CD8B2: variants seen among roughly 807,000 people sequenced by gnomAD.
CD8B2 encodes T-cell surface glycoprotein CD8 beta-2 chain.
CD8B2 carries 11 observed loss-of-function variants against 23.7 expected under a neutral mutation model. That is an observed-to-expected ratio of 0.46 (90% CI 0.29 to 0.77). The LOEUF (loss-of-function observed/expected upper bound fraction) is 0.77, where lower values mean the gene tolerates loss of function less well. CD8B2 is among the 30% of genes least tolerant of loss of function. The pLI is 0.09. For synonymous variants in CD8B2, 90 were observed against 109.3 expected (o/e 0.82, Z 1.10); for missense variants, 197 against 270.5 (o/e 0.73, Z 1.91).
chr2:106,496,457 G>T (rs1245199644), intron 3 of CD8B2, among the ~76,000 whole-genome samples, 195 bp downstream of exon 3: 5 of 151,776 alleles, frequency 3.3e-5, no homozygotes, highest in Non-Finnish European at 7.4e-5. Flanking sequence ...CTCGTAAATT[G>T]TTACTGGACA....
Position 106,507,148 on chromosome 2 carries a change from G to A in CD8B2, c.*208G>A. On this transcript the variant is annotated 3_prime_UTR_variant, in exon 6 of 6. Transcript: ENST00000643224. ...GGTCATCGGGAATACTAGGGAGAAG[G>A]TTTCATTGCCCCCAGGGCACTTCAC... The A allele has an allele frequency of 1.4e-6, 2 of 1,414,404 alleles. No homozygotes were observed. Among genetic ancestry groups the A allele is most frequent in the Non-Finnish European group, 1.9e-6 (2 of 1,080,450 alleles). The allele number at this position is 1,414,404 out of a possible 1,614,324, so 87.6% of individuals were successfully genotyped here.
intron 2 of CD8B2, among the ~76,000 whole-genome samples, chr2:106,495,083 A>T (rs1679272308): frequency 6.6e-6 from 1 of 152,100 alleles, no homozygotes; most frequent in Admixed American, 6.5e-5. Flanking sequence ...AGCCAGGTGG[A>T]GCCACATCTA....
At chr2:106,489,621 T>C (rs1359335753) in intron 1 of CD8B2, among the ~76,000 whole-genome samples, 4 of 152,156 alleles carry the variant, frequency 2.6e-5, no homozygotes, top group African/African-American at 9.7e-5. Context: ...TCAGATTGTG[T>C]TTGTTGGAAG....
rs1679584929 is a variant in CD8B2 at position 106,509,684 on chromosome 2, G to C, written c.*2744G>C. ...TGGAGCAGGCTGGGCTGCCAATGGT[G>C]GGGGCTGCAGTGAGAAGGTCTGCAC... On this transcript the variant is annotated 3_prime_UTR_variant, in exon 6 of 6. Coordinates refer to ENST00000643224, the MANE Select transcript of CD8B2 (RefSeq NM_001349727.2). 6.6e-6 allele frequency: 1 copy of C among 151,768 alleles called. No individual in the cohort carries two copies. The highest frequency in any genetic ancestry group is 2.1e-4 in the South Asian group (1 of 4,812). 9.4% of individuals were successfully genotyped at this position (151,768 alleles called of 1,614,324 possible). A position where few individuals can be genotyped will look rare whatever the true frequency, so the allele number is the denominator to read the frequency against.
At chr2:106,523,507 G>A (rs548360691) in intron 5 of CD8B2, among the ~76,000 whole-genome samples, 6 of 152,206 alleles carry the variant, frequency 3.9e-5, no homozygotes, top group South Asian at 4.2e-4. Flanking sequence ...GGAGGCTGTC[G>A]GTCTGGGGTA....
intron 2 of CD8B2, 131 bp from the exon 3 acceptor site, chr2:106,496,042 C>T: frequency 6.8e-7 from 1 of 1,460,686 alleles, no homozygotes; most frequent in Non-Finnish European, 9.3e-7. Flanking sequence ...CAAATGATCT[C>T]CTGCCTTGGC....
intron 5 of CD8B2, among the ~76,000 whole-genome samples, chr2:106,530,228 C>T (rs988640691): frequency 1.3e-5 from 2 of 152,180 alleles, no homozygotes; most frequent in Non-Finnish European, 2.9e-5. Context: ...ATCTTGAGGG[C>T]GCAAACCTTG....
Position 106,491,185 on chromosome 2 carries a change from G to T in CD8B2, c.355G>T (p.Val119Phe). The T allele has an allele frequency of 1.2e-6, 2 of 1,613,218 alleles. No homozygotes were observed. The highest frequency in any genetic ancestry group is 1.7e-6 in the Non-Finnish European group (2 of 1,179,216). Residue 119 changes from valine (V) to phenylalanine (F), a missense_variant, in exon 2 of 6, where the codon GTC (valine) becomes TTC (phenylalanine). Transcript: ENST00000643224. ...EDSGIYFCMIVGSPELTFGKG... is the reference protein window; with the variant it reads ...EDSGIYFCMIFGSPELTFGKG... ...CAGTGGCATCTACTTCTGCATGATC[G>T]TCGGGAGCCCCGAGCTGACCTTCGG...
chr2:106,501,736 T>G (rs1168640057), intron 3 of CD8B2, among the ~76,000 whole-genome samples: 1 of 152,142 alleles, frequency 6.6e-6, no homozygotes, highest in East Asian at 1.9e-4. Context: ...AAAAATTACA[T>G]AGGCATGGAA....
rs539579059 is a variant in CD8B2 at position 106,487,579 on chromosome 2, C to T, written c.43+110C>T. Reference sequence around the variant, plus strand: ...TCCTGGCAGGGTGCAGCGTCGAGCCCGCGGTGGCGGGGCGCCCGGGAGGCA... The same window carrying T: ...TCCTGGCAGGGTGCAGCGTCGAGCCTGCGGTGGCGGGGCGCCCGGGAGGCA... On this transcript the variant is annotated intron_variant, in intron 1 of 5. Coordinates refer to ENST00000643224, the MANE Select transcript of CD8B2 (RefSeq NM_001349727.2). 49 of 647,182 alleles carry T rather than the reference C, an allele frequency of 7.6e-5. 1 individual carries two copies. Among genetic ancestry groups the T allele is most frequent in the Middle Eastern group, 9.6e-4 (2 of 2,090 alleles). The allele number at this position is 647,182 out of a possible 1,614,324, so 40.1% of individuals were successfully genotyped here. A position where few individuals can be genotyped will look rare whatever the true frequency, so the allele number is the denominator to read the frequency against.
chr2:106,494,483 T>C (rs112792064), intron 2 of CD8B2, among the ~76,000 whole-genome samples: 4 of 151,770 alleles, frequency 2.6e-5, no homozygotes, highest in Admixed American at 1.3e-4. Flanking sequence ...TTTTTTTTTT[T>C]CTGTCCCCCT....
chr2:106,531,247 A>G (rs1376715780), intron 5 of CD8B2, among the ~76,000 whole-genome samples: 1 of 152,130 alleles, frequency 6.6e-6, no homozygotes, highest in Non-Finnish European at 1.5e-5. Context: ...TTAGCTCATG[A>G]CACTCAGACA....
At position 106,510,205 on chromosome 2, in the gene CD8B2, A is replaced by G. The variant is rs1247091178; in HGVS notation, c.*3265A>G. On this transcript the variant is annotated 3_prime_UTR_variant, in exon 6 of 6. Coordinates refer to ENST00000643224, the MANE Select transcript of CD8B2 (RefSeq NM_001349727.2). ...GTTAGGATACAGTTACCCTTGGTCC[A>G]GTGATGGTCATTAGGAGGGAGCATG... The G allele has an allele frequency of 6.6e-6, 1 of 152,238 alleles. No homozygotes were observed. 9.4% of individuals were successfully genotyped at this position (152,238 alleles called of 1,614,324 possible). A position where few individuals can be genotyped will look rare whatever the true frequency, so the allele number is the denominator to read the frequency against.
At chr2:106,513,864 C>A (rs933773300), downstream of CD8B2, among the ~76,000 whole-genome samples, 22 of 152,168 alleles carry the variant, frequency 1.4e-4, no homozygotes, top group Non-Finnish European at 2.8e-4. Flanking sequence ...TTTGGGTTGT[C>A]CCCGCCTCTA....
intron 3 of CD8B2, among the ~76,000 whole-genome samples, chr2:106,498,957 A>G (rs6721980): frequency 0.26 from 39,159 of 151,848 alleles, 5,349 homozygotes; most frequent in African/African-American, 0.3. Flanking sequence ...CAGAGTGCAG[A>G]TCCAGAGCTC....
At chr2:106,520,205 C>CAATGATTA (rs1573345152) in intron 5 of CD8B2, among the ~76,000 whole-genome samples, 1 of 152,278 alleles carries the variant, frequency 6.6e-6, no homozygotes, top group East Asian at 1.9e-4. Flanking sequence ...TTTATATACT[C>CAATGATTA]AATGATTATT....
intron 5 of CD8B2, among the ~76,000 whole-genome samples, chr2:106,519,802 A>G (rs1679795128): frequency 6.6e-6 from 1 of 152,192 alleles, no homozygotes. Flanking sequence ...AAAATTGCAA[A>G]ATAAACTCAA....
chr2:106,488,117 C>T (rs1475807801), intron 1 of CD8B2, among the ~76,000 whole-genome samples: 1 of 152,092 alleles, frequency 6.6e-6, no homozygotes, highest in Non-Finnish European at 1.5e-5. Context: ...GAAGCCTCCA[C>T]ACACCCGGAA....
At chr2:106,501,611 G>A (rs934865976) in intron 3 of CD8B2, among the ~76,000 whole-genome samples, 2 of 152,184 alleles carry the variant, frequency 1.3e-5, no homozygotes, top group African/African-American at 4.8e-5. Context: ...GAACCCAGAA[G>A]GCGGAGGTTG....
Sources: allele counts gnomAD v4.1 joint callset (sites outside exome capture counted in the v4.1 genomes callset), GRCh38; gene constraint gnomAD v4.1.1; transcripts MANE v1.5; gene names NCBI Gene and HGNC (gene_info 2026-07-23, HGNC 2026-07-21).